Variants in NNMT observed in about 807,000 individuals in gnomAD.
NNMT encodes the protein nicotinamide N-methyltransferase.
In NNMT, 10 loss-of-function variants were observed where a neutral mutation model predicts 11.7. The observed-to-expected ratio is 0.85, with a 90% CI of 0.53 to 1.45. The LOEUF (loss-of-function observed/expected upper bound fraction) is 1.45. Ranked by LOEUF, NNMT falls within the 40% of genes most tolerant of loss-of-function variation. The pLI is 0.00. For missense variants in NNMT, 381 were observed against 319.4 expected, an observed-to-expected ratio of 1.19 and a Z score of -1.47; for synonymous variants, 143 against 133.8, an observed-to-expected ratio of 1.07 and a Z score of -0.48.
At chr11:114,259,773 C>A (rs79074548) in intron 1 of NNMT, among the ~76,000 whole-genome samples, 3,411 of 152,294 alleles carry the variant, frequency 0.022, 134 homozygotes, top group African/African-American at 0.076. Context: ...TAGTTCTAAA[C>A]TGATTGCTGT....
At chr11:114,272,667 C>T (rs1464949045) in intron 2 of NNMT, among the ~76,000 whole-genome samples, 2 of 152,216 alleles carry the variant, frequency 1.3e-5, no homozygotes, top group African/African-American at 4.8e-5. Flanking sequence ...CTCTCTCCAC[C>T]TGCAGGGTGG....
At chr11:114,273,512 C>G (rs1418939837) in intron 2 of NNMT, among the ~76,000 whole-genome samples, 1 of 152,172 alleles carries the variant, frequency 6.6e-6, no homozygotes, top group African/African-American at 2.4e-5. Flanking sequence ...CCCCATGCTG[C>G]CAAGCAAGAT....
intron 2 of NNMT, among the ~76,000 whole-genome samples, chr11:114,285,205 G>C (rs2135260740): frequency 6.6e-6 from 1 of 152,250 alleles, no homozygotes; most frequent in African/African-American, 2.4e-5. Flanking sequence ...GAAAATATTT[G>C]AGACGCTGGA....
intron 2 of NNMT, among the ~76,000 whole-genome samples, chr11:114,307,645 T>C (rs545260618): frequency 7.1e-6 from 1 of 140,290 alleles, no homozygotes; most frequent in South Asian, 2.4e-4. Flanking sequence ...ATTCCTGTCA[T>C]GGTCCACAAA....
chr11:114,261,932 A>T (rs1243297358), intron 1 of NNMT, among the ~76,000 whole-genome samples: 1 of 152,202 alleles, frequency 6.6e-6, no homozygotes, highest in Non-Finnish European at 1.5e-5. Flanking sequence ...GATCAACCTC[A>T]GATGGAATTC....
chr11:114,287,433 G>A (rs1945307428), intron 2 of NNMT, among the ~76,000 whole-genome samples: 1 of 151,908 alleles, frequency 6.6e-6, no homozygotes, highest in African/African-American at 2.4e-5. Flanking sequence ...TGTGAGGTGG[G>A]GTTCTAATTC....
intron 2 of NNMT, among the ~76,000 whole-genome samples, chr11:114,275,567 C>T (rs993131639): frequency 4.6e-5 from 7 of 152,144 alleles, no homozygotes; most frequent in African/African-American, 1.7e-4. Context: ...ATCTCCAGGA[C>T]TCAGTGTCTT....
upstream of NNMT, among the ~76,000 whole-genome samples, chr11:114,293,688 A>C (rs1379134765): frequency 6.6e-6 from 1 of 151,992 alleles, no homozygotes; most frequent in African/African-American, 2.4e-5. Context: ...ACACTGTTGG[A>C]ATGTAAATTA....
upstream of NNMT, among the ~76,000 whole-genome samples, chr11:114,292,833 C>T (rs887101915): frequency 1.2e-4 from 18 of 152,028 alleles, no homozygotes; most frequent in African/African-American, 4.3e-4. Context: ...AATATCAAGG[C>T]CACATATATG....
intron 2 of NNMT, among the ~76,000 whole-genome samples, chr11:114,288,806 A>G (rs1245217606): frequency 1.3e-5 from 2 of 152,188 alleles, no homozygotes; most frequent in African/African-American, 2.4e-5. Context: ...TAAGCACCAT[A>G]TACATATTTG....
At chr11:114,258,380 G>A (rs1420855497) in intron 1 of NNMT, among the ~76,000 whole-genome samples, 2 of 152,232 alleles carry the variant, frequency 1.3e-5, no homozygotes, top group Non-Finnish European at 2.9e-5. Flanking sequence ...GCTGAGGCCC[G>A]GCGCCAGCAG....
At chr11:114,263,628 C>A (rs541750006) in intron 2 of NNMT, among the ~76,000 whole-genome samples, 9 of 152,332 alleles carry the variant, frequency 5.9e-5, no homozygotes, top group African/African-American at 2.2e-4. Context: ...GCACAAACCA[C>A]GTAGACCCCA....
intron 2 of NNMT, among the ~76,000 whole-genome samples, chr11:114,309,947 T>C (rs61904724): frequency 0.014 from 2,105 of 152,354 alleles, 24 homozygotes; most frequent in Non-Finnish European, 0.021. Context: ...TGTTGTAGCA[T>C]GTGTCAGAAT....
At chr11:114,277,841 T>G (rs917323674) in intron 2 of NNMT, among the ~76,000 whole-genome samples, 1 of 152,156 alleles carries the variant, frequency 6.6e-6, no homozygotes, top group African/African-American at 2.4e-5. Flanking sequence ...TAAAGCTCAG[T>G]GCTAAGCTCA....
rs143009629 is a variant in NNMT, at chr11:114,258,834, C to T, written c.-217+956C>T. Reference sequence around the variant, plus strand: ...TACTCTGCTCCAGCCGATGGGACCACGGGTGTTCTGGGCCACACCGAGCTC... The same window carrying T: ...TACTCTGCTCCAGCCGATGGGACCATGGGTGTTCTGGGCCACACCGAGCTC... On this transcript the variant is annotated intron_variant, in intron 1 of 4. Coordinates refer to the NNMT transcript ENST00000535401. 3.9e-4 allele frequency among the ~76,000 whole-genome samples: 60 copies of T among 152,300 alleles called. 1 individual carries two copies. The highest frequency in any genetic ancestry group is 3.7e-3 in the Admixed American group (57 of 15,308).
At chr11:114,281,104 C>T (rs1382729277) in intron 2 of NNMT, among the ~76,000 whole-genome samples, 2 of 152,144 alleles carry the variant, frequency 1.3e-5, no homozygotes, top group Admixed American at 6.5e-5. Context: ...GATGACAGAC[C>T]GAGGGAGGGG....
chr11:114,276,736 C>T (rs1945216131), intron 2 of NNMT, among the ~76,000 whole-genome samples: 1 of 152,184 alleles, frequency 6.6e-6, no homozygotes, highest in African/African-American at 2.4e-5. Flanking sequence ...CATTTGTCAC[C>T]ACACAACTTC....
Position 114,312,386 on chromosome 11 carries a change from T to C in NNMT, c.704T>C (p.Phe235Ser), listed in dbSNP as rs766979802. 3 of 1,614,226 alleles carry C rather than the reference T, an allele frequency of 1.9e-6. No individual in the cohort carries two copies. The Admixed American group carries it at 5.0e-5, about 27-fold the overall frequency. Residue 235 changes from phenylalanine (F) to serine (S), a missense_variant, in exon 3 of 3, where the codon TTT becomes TCT. Transcript: ENST00000299964. ...GAGGCTGGCTACACAATCGAATGGT[T>C]TGAGGTGATCTCGCAAAGTTATTCT... ...VKEAGYTIEW[F>S]EVISQSYSST...
At chr11:114,274,922 G>A (rs1400296876) in intron 2 of NNMT, among the ~76,000 whole-genome samples, 1 of 152,208 alleles carries the variant, frequency 6.6e-6, no homozygotes, top group African/African-American at 2.4e-5. Context: ...TGGGAACAGG[G>A]AAACACAGAG....
Sources: allele counts gnomAD v4.1 joint callset (sites outside exome capture counted in the v4.1 genomes callset), GRCh38; gene constraint gnomAD v4.1.1; transcripts MANE v1.5; gene names NCBI Gene and HGNC (gene_info 2026-07-23, HGNC 2026-07-21).